The following MYO15A variants were observed in gnomAD, a reference collection of about 807,000 sequenced individuals.
MYO15A encodes the protein myosin XVA, also known as unconventional myosin-XV.
MYO15A carries 308 observed loss-of-function variants against 394.6 expected under a neutral mutation model. The observed-to-expected ratio is 0.78, with a 90% CI of 0.71 to 0.86. The LOEUF is 0.86. Among genes scored for constraint, MYO15A ranks in the 40% least tolerant of loss-of-function variants. MYO15A has a pLI of 0.00. For synonymous variants in MYO15A, 1,957 were observed against 2,003.8 expected, an observed-to-expected ratio of 0.98 and a Z score of 0.62; for missense variants, 4,606 against 4,799.1, an observed-to-expected ratio of 0.96 and a Z score of 1.19.
rs940327560 is a variant in MYO15A, at chr17:18,142,933, C to G, written c.5910+93C>G. The G allele has an allele frequency of 4.1e-6, 5 of 1,225,168 alleles. No homozygotes were observed. In the African/African-American group the frequency reaches 7.5e-5, roughly 18 times the overall value. 75.9% of individuals were successfully genotyped at this position (1,225,168 alleles called of 1,614,324 possible). ...GAGGAGACTACTGGCCTCAGGCAGT[C>G]TTGGGTTCAAATTCTGCCTCTGCCA... On this transcript the variant is annotated intron_variant, in intron 25 of 65. Transcript: ENST00000647165.
intron 22 of MYO15A, among the ~76,000 whole-genome samples, 163 bp downstream of exon 22, chr17:18,141,306 T>C (rs1439598860): frequency 2.0e-5 from 3 of 152,190 alleles, no homozygotes; most frequent in African/African-American, 7.2e-5. Flanking sequence ...GGTAGATACA[T>C]TTATTGTTTT....
At position 18,159,234 on chromosome 17, in the gene MYO15A, G is replaced by A. The variant is rs745554726; in HGVS notation, c.9157-41G>A. Reference sequence around the variant, plus strand: ...CAATGTGTCCCCTTTCTGTTCTGACGTGTCCCTCCTCCATCATGACACAGC... The same window carrying A: ...CAATGTGTCCCCTTTCTGTTCTGACATGTCCCTCCTCCATCATGACACAGC... On this transcript the variant is annotated intron_variant, in intron 53 of 65. Coordinates refer to ENST00000647165, the MANE Select transcript of MYO15A (RefSeq NM_016239.4). The A allele has an allele frequency of 5.0e-5, 81 of 1,605,954 alleles. 1 individual carries two copies. The highest frequency in any genetic ancestry group is 5.8e-5 in the Non-Finnish European group (68 of 1,172,858).
In MYO15A at chr17:18,138,914, A is replaced by G. The variant is rs758420321; in HGVS notation, c.5111A>G (p.Tyr1704Cys). The change falls in exon 18 of 66, where the codon TAT (tyrosine) becomes TGT (cysteine). Residue 1704 changes from tyrosine to cysteine, a missense_variant. By Grantham distance (194) the Tyr-to-Cys change is radical. This residue lies in a region of MYO15A where 2,776 missense variants were observed against 3,109.3 expected (regional missense o/e 0.89). Transcript: ENST00000647165. Reference protein sequence around the residue: ...MPLPEFTIKHYAGKVTYQVHK... With the variant: ...MPLPEFTIKHCAGKVTYQVHK... Reference sequence around the variant, plus strand: ...CTGCCTGAGTTCACCATCAAGCACTATGCAGGCAAGGTCACCTACCAGGTG... The same window carrying G: ...CTGCCTGAGTTCACCATCAAGCACTGTGCAGGCAAGGTCACCTACCAGGTG... 7 of 1,612,936 alleles carry G rather than the reference A, an allele frequency of 4.3e-6. No individual in the cohort carries two copies. In the Admixed American group the frequency reaches 5.0e-5, roughly 12 times the overall value.
At chr17:18,125,032 C>T (rs1046673267) in intron 3 of MYO15A, 136 bp from the exon 4 acceptor site, 16 of 833,452 alleles carry the variant, frequency 1.9e-5, no homozygotes, top group Admixed American at 3.5e-5. Context: ...TGTCCAAGGT[C>T]TCCTAGCTGG....
Position 18,172,034 on chromosome 17 carries a change from G to C in MYO15A, c.10217-123G>C, listed in dbSNP as rs2046949440. 6.6e-6 allele frequency: 10 copies of C among 1,525,266 alleles called. 1 individual carries two copies. The South Asian group carries it at 1.0e-4, about 16-fold the overall frequency. The allele number at this position is 1,525,266 out of a possible 1,614,324, so 94.5% of individuals were successfully genotyped here. A position where few individuals can be genotyped will look rare whatever the true frequency, so the allele number is the denominator to read the frequency against. On this transcript the variant is annotated intron_variant, in intron 63 of 65. Transcript: ENST00000647165. ...AAGGGAGGCCAGAGAGATGGGAGGAGACCCAGACCAAGGGCTTCTGCACTG... is the reference window on the plus strand; with the variant it reads ...AAGGGAGGCCAGAGAGATGGGAGGACACCCAGACCAAGGGCTTCTGCACTG...
At chr17:18,170,759 T>G (rs1597823963) in intron 62 of MYO15A, among the ~76,000 whole-genome samples, 1 of 152,344 alleles carries the variant, frequency 6.6e-6, no homozygotes, top group South Asian at 2.1e-4. Flanking sequence ...AAATAATCAC[T>G]GAGTTCTTAC....
chr17:18,139,224 C>T (rs556156524), intron 18 of MYO15A: 8 of 607,956 alleles, frequency 1.3e-5, no homozygotes, highest in African/African-American at 9.2e-5. Context: ...TGGTCACCCT[C>T]ATCACTATTA....
rs74359125 is a variant in MYO15A at position 18,176,194 on chromosome 17, G to A, written c.10491+2273G>A. Among the ~76,000 whole-genome samples, 1,012 of 152,308 alleles carry A rather than the reference G, an allele frequency of 6.6e-3. 5 individuals are homozygous for A. The highest frequency in any genetic ancestry group is 8.2e-3 in the Non-Finnish European group (555 of 68,036). The stretch of plus-strand genomic sequence containing the variant: ...TACGTTGCTATAAAGGAATATCCGA[G>A]GCTGCATAATTTACAAAGAAAAGAG... On this transcript the variant is annotated intron_variant, in intron 65 of 65. Transcript: ENST00000647165.
chr17:18,149,744 C>A (rs2046545479), intron 35 of MYO15A, 164 bp downstream of exon 35: 1 of 727,496 alleles, frequency 1.4e-6, no homozygotes, highest in East Asian at 2.7e-5. Context: ...ATGAGGGTCT[C>A]TTCACAGCTA....
rs375182150 is a variant in MYO15A, at chr17:18,129,170, T to C, written c.4033-1635T>C. ...TGAAACATTCAGAGCTCCGTCTCAC[T>C]GGGCAAGTTTTGGTCATATGTCCTC... On this transcript the variant is annotated intron_variant, in intron 7 of 65. Transcript: ENST00000647165. Among the ~76,000 whole-genome samples, 6 of 152,366 alleles carry C rather than the reference T, an allele frequency of 3.9e-5. No individual in the cohort carries two copies. In the East Asian group the frequency reaches 1.2e-3, roughly 29 times the overall value.
chr17:18,175,895 C>T (rs1379182850), intron 65 of MYO15A, among the ~76,000 whole-genome samples: 31 of 152,142 alleles, frequency 2.0e-4, no homozygotes, highest in Admixed American at 2.0e-3. Flanking sequence ...GCTCATTCCT[C>T]CAGCCACCCT....
intron 61 of MYO15A, 118 bp downstream of exon 61, chr17:18,166,639 C>G (rs2046859308): frequency 7.2e-7 from 1 of 1,380,746 alleles, no homozygotes; most frequent in Admixed American, 1.8e-5. Flanking sequence ...GTGGATGTCT[C>G]TAGCCCTGAT....
intron 16 of MYO15A, 84 bp downstream of exon 16, chr17:18,137,763 T>C: frequency 2.8e-6 from 4 of 1,432,234 alleles, no homozygotes; most frequent in African/African-American, 1.4e-5. Flanking sequence ...ATACTGGTTG[T>C]TTAAGGGCAA....
chr17:18,133,906 C>T (rs1453193305), intron 12 of MYO15A, among the ~76,000 whole-genome samples: 1 of 152,210 alleles, frequency 6.6e-6, no homozygotes, highest in Non-Finnish European at 1.5e-5. Flanking sequence ...GATCCACCGG[C>T]CTCGGCCTCC....
In MYO15A at chr17:18,138,254, G is replaced by A. The variant is rs368717526; in HGVS notation, c.5007+8G>A. 1.3e-5 allele frequency: 21 copies of A among 1,611,388 alleles called. No homozygotes were observed. The highest frequency in any genetic ancestry group is 9.3e-5 in the African/African-American group (7 of 75,048). ...CAGTGTTGCTTTCCCCAGGTGAGCCGCAGGCACTGTGTGAGCCTAGTCAGG... is the reference window on the plus strand; with the variant it reads ...CAGTGTTGCTTTCCCCAGGTGAGCCACAGGCACTGTGTGAGCCTAGTCAGG... On this transcript the variant is annotated splice_region_variant and intron_variant, in intron 17 of 65. Transcript: ENST00000647165.
chr17:18,119,272 G>T lies in MYO15A; in HGVS notation c.472G>T (p.Ala158Ser), dbSNP rs1269674351. Residue 158 changes from alanine (A) to serine (S), a missense_variant, in exon 2 of 66, where the codon GCC becomes TCC. Around this residue, in one of 2 missense-constraint regions of MYO15A, gnomAD observed 1,830 missense variants for 1,689.7 expected, o/e 1.08. Transcript: ENST00000647165. Reference protein sequence around the residue: ...ESGSEQATVDAWLQRSSSRMG... With the variant: ...ESGSEQATVDSWLQRSSSRMG... ...GGGCAGCGAACAGGCCACAGTGGACGCCTGGCTGCAGCGCTCGAGCTCCCG... is the reference window on the plus strand; with the variant it reads ...GGGCAGCGAACAGGCCACAGTGGACTCCTGGCTGCAGCGCTCGAGCTCCCG... The T allele has an allele frequency of 6.2e-7, 1 of 1,612,106 alleles. No homozygotes were observed. Among genetic ancestry groups the T allele is most frequent in the Non-Finnish European group, 8.5e-7 (1 of 1,179,856 alleles).
chr17:18,168,174 T>A (rs2046883212), intron 62 of MYO15A, among the ~76,000 whole-genome samples: 2 of 152,362 alleles, frequency 1.3e-5, no homozygotes, highest in Non-Finnish European at 1.5e-5. Flanking sequence ...TAATTAATTA[T>A]TGATTTTCTC....
Position 18,119,034 on chromosome 17 carries a change from C to A in MYO15A, c.234C>A (p.Thr78=). The stretch of plus-strand genomic sequence containing the variant: ...CCAAGCGCAAGAGGAAGGCCCGCAC[C>A]GTGCTCAAGTCCACGTCAAAGCTCA... ...QKTKRKRKAR[T]VLKSTSKLMT... Residue 78 remains threonine (T), a synonymous_variant, in exon 2 of 66, where the codon ACC becomes ACA. Coordinates refer to ENST00000647165, the MANE Select transcript of MYO15A (RefSeq NM_016239.4). 6.2e-7 allele frequency: 1 copy of A among 1,612,600 alleles called. No individual in the cohort carries two copies. The highest frequency in any genetic ancestry group is 8.5e-7 in the Non-Finnish European group (1 of 1,179,892).
chr17:18,171,872 A>G, intron 63 of MYO15A, 101 bp downstream of exon 63: 2 of 1,495,002 alleles, frequency 1.3e-6, no homozygotes, highest in Non-Finnish European at 1.8e-6. Context: ...GCACAAAGGC[A>G]TTTTTCAGTG....
Sources: allele counts gnomAD v4.1 joint callset (sites outside exome capture counted in the v4.1 genomes callset), GRCh38; gene constraint gnomAD v4.1.1; regional missense constraint gnomAD v4.1.1; transcripts MANE v1.5; gene names NCBI Gene and HGNC (gene_info 2026-07-23, HGNC 2026-07-21).